Variants in MAP3K4 observed in about 807,000 individuals in gnomAD.
MAP3K4 encodes the protein mitogen-activated protein kinase kinase kinase 4, also known as MAP three kinase 1.
In MAP3K4, 67 loss-of-function variants were observed where a neutral mutation model predicts 185.6. The observed-to-expected ratio is 0.36, with a 90% CI of 0.30 to 0.44. The LOEUF is 0.44. MAP3K4 is among the 20% of genes least tolerant of loss of function. The pLI is 1.00. For synonymous variants in MAP3K4, 702 were observed against 710.4 expected, an observed-to-expected ratio of 0.99 and a Z score of 0.19; for missense variants, 1,551 against 1,995.1, an observed-to-expected ratio of 0.78 and a Z score of 4.24.
intron 3 of MAP3K4, among the ~76,000 whole-genome samples, chr6:161,065,061 G>A (rs1288094326): frequency 1.3e-5 from 2 of 152,198 alleles, no homozygotes; most frequent in Non-Finnish European, 2.9e-5. Context: ...GAGGGTCAGG[G>A]CCAGTGAACC....
rs1778489157 is a variant in MAP3K4 at position 161,114,100 on chromosome 6, G to T, written c.4627-1023G>T. Among the ~76,000 whole-genome samples, 1 of 152,090 alleles carries T rather than the reference G, an allele frequency of 6.6e-6. No individual in the cohort carries two copies. Among genetic ancestry groups the T allele is most frequent in the Non-Finnish European group, 1.5e-5 (1 of 68,030 alleles). On this transcript the variant is annotated intron_variant, in intron 25 of 26. Coordinates refer to ENST00000392142, the MANE Select transcript of MAP3K4 (RefSeq NM_005922.4). This position sits in a 1 kb window ranked among gnomAD's most constrained non-coding sequence, Gnocchi z 4.3. ...TAAAGATTGAGAATACTATCTTTTA[G>T]AGAGTATATAAAGAAACACACATGT...
rs1473351844 is a variant in MAP3K4, at chr6:161,075,751, CTGGT to C, written c.2097+2141_2097+2144del. 3.3e-5 allele frequency among the ~76,000 whole-genome samples: 5 copies of C among 152,060 alleles called. No individual in the cohort carries two copies. The highest frequency in any genetic ancestry group is 7.4e-5 in the Non-Finnish European group (5 of 68,026). On this transcript the variant is annotated intron_variant, in intron 5 of 26. Coordinates refer to ENST00000392142, the MANE Select transcript of MAP3K4 (RefSeq NM_005922.4). The surrounding 1 kb of genome is among the most constrained non-coding windows in gnomAD (Gnocchi z 4.3). ...CTAAGTGACTTACCAACATTCACAGCTGGTTAGTTTTAGAAAGGCTTAGAGTTTA... is the reference window on the plus strand; with the variant it reads ...CTAAGTGACTTACCAACATTCACAGCTAGTTTTAGAAAGGCTTAGAGTTTA...
Position 161,116,830 on chromosome 6 carries a change from T to A in MAP3K4, c.4807-20T>A. 3.1e-6 allele frequency: 5 copies of A among 1,613,810 alleles called. No homozygotes were observed. Among genetic ancestry groups the A allele is most frequent in the Non-Finnish European group, 4.2e-6 (5 of 1,179,736 alleles). On this transcript the variant is annotated intron_variant, in intron 26 of 26. Coordinates refer to ENST00000392142, the MANE Select transcript of MAP3K4 (RefSeq NM_005922.4). The surrounding 1 kb of genome is among the most constrained non-coding windows in gnomAD (Gnocchi z 6.2). ...ACACCTGGCTCTGCAAGAGCTCAGC[T>A]CTCTCCTGCTTCCTCACAGGTTTGC...
chr6:161,081,789 C>T (rs1363832977), intron 6 of MAP3K4, among the ~76,000 whole-genome samples: 1 of 152,206 alleles, frequency 6.6e-6, no homozygotes, highest in African/African-American at 2.4e-5. Flanking sequence ...TCCTTCTGTG[C>T]TTTAGATTCT....
chr6:161,024,216 G>A (rs1037371699), intron 1 of MAP3K4, among the ~76,000 whole-genome samples: 6 of 151,966 alleles, frequency 3.9e-5, no homozygotes, highest in Non-Finnish European at 7.4e-5. Context: ...TGATCCTCCC[G>A]CCTCTGCCTC....
chr6:161,027,848 C>T (rs1782746467), intron 1 of MAP3K4, among the ~76,000 whole-genome samples: 1 of 152,200 alleles, frequency 6.6e-6, no homozygotes. Context: ...ACGGTGTTGG[C>T]TGCAGAGCAG....
rs771525545 is a variant in MAP3K4 at position 161,073,416 on chromosome 6, C to T, written c.1951-50C>T. On this transcript the variant is annotated intron_variant, in intron 4 of 26. Coordinates refer to ENST00000392142, the MANE Select transcript of MAP3K4 (RefSeq NM_005922.4). This position sits in a 1 kb window ranked among gnomAD's most constrained non-coding sequence, Gnocchi z 4.2. Reference sequence around the variant, plus strand: ...AAGTAGGAAGATATAAAACACGGATCGTCTGGTTGGAGTTTATGGCTGCTG... The same window carrying T: ...AAGTAGGAAGATATAAAACACGGATTGTCTGGTTGGAGTTTATGGCTGCTG... 2.2e-5 allele frequency: 33 copies of T among 1,485,542 alleles called. No individual in the cohort carries two copies. The Admixed American group carries it at 7.7e-4, about 35-fold the overall frequency. 92.0% of individuals were successfully genotyped at this position (1,485,542 alleles called of 1,614,324 possible). A position where few individuals can be genotyped will look rare whatever the true frequency, so the allele number is the denominator to read the frequency against.
intron 1 of MAP3K4, among the ~76,000 whole-genome samples, chr6:161,029,098 A>G (rs370764028): frequency 6.6e-6 from 1 of 152,202 alleles, no homozygotes; most frequent in South Asian, 2.1e-4. Context: ...AATAGCAGAA[A>G]TCTCCCTAAT....
In MAP3K4 at chr6:161,088,025, T is replaced by C; in HGVS notation, c.2823+71T>C. 6.7e-7 allele frequency: 1 copy of C among 1,490,974 alleles called. No homozygotes were observed. The highest frequency in any genetic ancestry group is 9.0e-7 in the Non-Finnish European group (1 of 1,112,276). The allele number at this position is 1,490,974 out of a possible 1,614,324, so 92.4% of individuals were successfully genotyped here. ...TTAGTAAGAATGAACTGTTAGCTGC[T>C]CATGAATGAGGGGTTTGACTACCCT... On this transcript the variant is annotated intron_variant, in intron 10 of 26. Transcript: ENST00000392142. The surrounding 1 kb of genome is among the most constrained non-coding windows in gnomAD (Gnocchi z 4.5).
At chr6:161,018,056 AT>A (rs1213404036) in intron 1 of MAP3K4, among the ~76,000 whole-genome samples, 13 of 152,318 alleles carry the variant, frequency 8.5e-5, no homozygotes, top group Non-Finnish European at 1.9e-4. Flanking sequence ...AGGGAAACAA[AT>A]AAGGCCAGGC....
Position 161,115,239 on chromosome 6 carries a change from C to T in MAP3K4, c.4743C>T (p.Cys1581=). ...SPEGKDFLSH[C]LESDPKMRWT... ...AAGGAAAGGACTTCCTTTCTCACTG[C>T]CTTGAGAGTGACCCAAAGATGAGAT... The change falls in exon 26 of 27, where the codon TGC becomes TGT. Residue 1581 remains cysteine, a synonymous_variant. Coordinates refer to ENST00000392142, the MANE Select transcript of MAP3K4 (RefSeq NM_005922.4). The surrounding 1 kb of genome is among the most constrained non-coding windows in gnomAD (Gnocchi z 6.0). 1.2e-6 allele frequency: 2 copies of T among 1,614,150 alleles called. No individual in the cohort carries two copies. The highest frequency in any genetic ancestry group is 1.7e-6 in the Non-Finnish European group (2 of 1,179,998).
chr6:161,092,052 C>G lies in MAP3K4; in HGVS notation c.3178C>G (p.Gln1060Glu). 6 of 1,613,420 alleles carry G rather than the reference C, an allele frequency of 3.7e-6. No homozygotes were observed. The South Asian group carries it at 6.6e-5, about 18-fold the overall frequency. Residue 1060 changes from glutamine to glutamate, a missense_variant, in exon 13 of 27, where the codon CAG becomes GAG. By Grantham distance (29) the Gln-to-Glu change is conservative (BLOSUM62 2). This residue lies in a region of MAP3K4 where 261 missense variants were observed against 306.5 expected (regional missense o/e 0.85). Transcript: ENST00000392142. ...TCGTTTGATGTCTGGGGAGTTTAGA[C>G]AGAAGATAGGAGACAAATATATAAG... is the stretch of plus-strand genomic sequence containing the variant. Reference protein sequence around the residue: ...VVRLMSGEFRQKIGDKYISFA... With the variant: ...VVRLMSGEFREKIGDKYISFA...
At chr6:161,089,083 A>G (rs552435083) in intron 10 of MAP3K4, among the ~76,000 whole-genome samples, 4 of 152,168 alleles carry the variant, frequency 2.6e-5, no homozygotes, top group African/African-American at 9.6e-5. Context: ...GGATATCTCA[A>G]AGATGTCATG....
chr6:161,103,577 C>T lies in MAP3K4; in HGVS notation c.3856+798C>T, dbSNP rs932928957. Among the ~76,000 whole-genome samples, 12 of 152,158 alleles carry T rather than the reference C, an allele frequency of 7.9e-5. No individual in the cohort carries two copies. The highest frequency in any genetic ancestry group is 1.2e-4 in the Non-Finnish European group (8 of 68,044). On this transcript the variant is annotated intron_variant, in intron 19 of 26. Coordinates refer to ENST00000392142, the MANE Select transcript of MAP3K4 (RefSeq NM_005922.4). This position sits in a 1 kb window ranked among gnomAD's most constrained non-coding sequence, Gnocchi z 4.6. ...GAGCCACTGGGCGCAGATGCCAATGCAGGAGAAACTGGAGAGTGAGGGGAG... is the reference window on the plus strand; with the variant it reads ...GAGCCACTGGGCGCAGATGCCAATGTAGGAGAAACTGGAGAGTGAGGGGAG...
chr6:161,042,000 C>T (rs1783490170), intron 2 of MAP3K4, among the ~76,000 whole-genome samples: 2 of 144,210 alleles, frequency 1.4e-5, no homozygotes, highest in Non-Finnish European at 3.0e-5. Flanking sequence ...TCAAGTGATC[C>T]TCCCGCCTCA....
Position 161,085,317 on chromosome 6 carries a change from T to C in MAP3K4, c.2372+700T>C, listed in dbSNP as rs1785655185. Reference sequence around the variant, plus strand: ...ACATTTGGTACATTTTTATTCTTAGTGCATTCCTTCTGTTGAACTTTAAAC... The same window carrying C: ...ACATTTGGTACATTTTTATTCTTAGCGCATTCCTTCTGTTGAACTTTAAAC... On this transcript the variant is annotated intron_variant, in intron 7 of 26. Transcript: ENST00000392142. 2.0e-5 allele frequency among the ~76,000 whole-genome samples: 3 copies of C among 152,262 alleles called. No homozygotes were observed. In the South Asian group the frequency reaches 6.2e-4, roughly 31 times the overall value.
intron 1 of MAP3K4, 71 bp downstream of exon 1, chr6:160,992,154 C>G (rs894380688): frequency 4.2e-6 from 6 of 1,428,734 alleles, no homozygotes; most frequent in Non-Finnish European, 3.6e-6. Context: ...CGGTCGGGCC[C>G]GAGGGCCTCT....
At position 161,081,741 on chromosome 6, in the gene MAP3K4, G is replaced by A. The variant is rs544702273; in HGVS notation, c.2255+703G>A. 4.6e-5 allele frequency among the ~76,000 whole-genome samples: 7 copies of A among 152,326 alleles called. No individual in the cohort carries two copies. The East Asian group carries it at 1.4e-3, about 29-fold the overall frequency. On this transcript the variant is annotated intron_variant, in intron 6 of 26. Coordinates refer to ENST00000392142, the MANE Select transcript of MAP3K4 (RefSeq NM_005922.4). Reference sequence around the variant, plus strand: ...TCCGTGGTCTTTGCTGGTGGCCACTGCACCTCGGACTTGCTTTGGCTCAGA... The same window carrying A: ...TCCGTGGTCTTTGCTGGTGGCCACTACACCTCGGACTTGCTTTGGCTCAGA...
rs1784674536 is a variant in MAP3K4 at position 161,065,696 on chromosome 6, T to A, written c.1708-4912T>A. On this transcript the variant is annotated intron_variant, in intron 3 of 26. Coordinates refer to ENST00000392142, the MANE Select transcript of MAP3K4 (RefSeq NM_005922.4). ...GCTTACGCCTGTAATCCCAGCACTT[T>A]GGGAGGCCAAGGCGGGTGGATCATG... 2.0e-5 allele frequency among the ~76,000 whole-genome samples: 3 copies of A among 152,306 alleles called. 1 individual carries two copies. In the East Asian group the frequency reaches 5.8e-4, roughly 29 times the overall value.
Sources: gnomAD v4.1 joint callset for allele counts (sites outside exome capture counted in the v4.1 genomes callset) on GRCh38, gnomAD v4.1.1 for gene constraint, gnomAD v4.1.1 regional missense constraint, Gnocchi (gnomAD v3.1) non-coding constraint, MANE v1.5 for transcripts, NCBI Gene and HGNC (gene_info 2026-07-23, HGNC 2026-07-21) for gene names.